The following KCNH8 variants were observed in gnomAD, a reference collection of about 807,000 sequenced individuals.
The protein encoded by KCNH8 is voltage-gated delayed rectifier potassium channel KCNH8.
Under a neutral mutation model 103.6 loss-of-function variants are expected in KCNH8, and 70 were observed. The observed-to-expected ratio is 0.68, with a 90% CI of 0.56 to 0.82. KCNH8 has a LOEUF of 0.82. Among genes scored for constraint, KCNH8 ranks in the 40% least tolerant of loss-of-function variants. KCNH8 has a pLI of 0.00. For missense variants in KCNH8, 1,217 were observed against 1,329.9 expected (o/e 0.92, Z 1.32); for synonymous variants, 498 against 489.4 (o/e 1.02, Z -0.23).
chr3:19,484,124 A>C (rs1387611046), intron 11 of KCNH8, among the ~76,000 whole-genome samples: 1 of 152,068 alleles, frequency 6.6e-6, no homozygotes, highest in Non-Finnish European at 1.5e-5. Context: ...TCTGGCTAAT[A>C]CTTTACTTGT....
At chr3:19,174,771 G>T (rs568024293) in intron 1 of KCNH8, among the ~76,000 whole-genome samples, 3 of 152,214 alleles carry the variant, frequency 2.0e-5, no homozygotes, top group South Asian at 4.1e-4. Flanking sequence ...AAAGTCTGGA[G>T]GGTTAAAAAG....
At chr3:19,375,040 T>G (rs941482157) in intron 5 of KCNH8, among the ~76,000 whole-genome samples, 1 of 151,720 alleles carries the variant, frequency 6.6e-6, no homozygotes, top group African/African-American at 2.4e-5. Context: ...CCCTTAACAT[T>G]TTTTCCTTCA....
chr3:19,239,286 G>A (rs1480124618), intron 1 of KCNH8, among the ~76,000 whole-genome samples: 1 of 151,920 alleles, frequency 6.6e-6, no homozygotes. Flanking sequence ...GTCACCTCAA[G>A]GTCACAAGAT....
intron 11 of KCNH8, among the ~76,000 whole-genome samples, chr3:19,480,017 G>C (rs2068056117): frequency 6.6e-6 from 1 of 152,322 alleles, no homozygotes; most frequent in Admixed American, 6.5e-5. Flanking sequence ...TTCAGCTGTA[G>C]ATAATGTTCC....
chr3:19,459,188 G>A (rs1473110313), intron 11 of KCNH8, among the ~76,000 whole-genome samples: 1 of 151,680 alleles, frequency 6.6e-6, no homozygotes, highest in Non-Finnish European at 1.5e-5. Flanking sequence ...GTTTTCCATA[G>A]TGGCTATAAT....
chr3:19,506,086 C>T (rs1233998991), intron 11 of KCNH8, among the ~76,000 whole-genome samples: 1 of 152,186 alleles, frequency 6.6e-6, no homozygotes, highest in East Asian at 1.9e-4. Flanking sequence ...ATTCCTTGTA[C>T]TGGGTACTGA....
intron 3 of KCNH8, among the ~76,000 whole-genome samples, chr3:19,315,779 C>T (rs561453853): frequency 9.2e-5 from 14 of 151,898 alleles, no homozygotes; most frequent in East Asian, 7.8e-4. Flanking sequence ...AGATTATTAT[C>T]GATTCATAAT....
intron 11 of KCNH8, among the ~76,000 whole-genome samples, chr3:19,500,224 A>G (rs1368397037): frequency 6.6e-6 from 1 of 152,252 alleles, no homozygotes; most frequent in Admixed American, 6.5e-5. Flanking sequence ...GGATCAATTC[A>G]ACAAGAGCTA....
chr3:19,167,085 A>G (rs942263031), intron 1 of KCNH8, among the ~76,000 whole-genome samples: 3 of 152,196 alleles, frequency 2.0e-5, no homozygotes, highest in African/African-American at 7.2e-5. Flanking sequence ...TTTGTTCCTC[A>G]TAGCAAAATG....
chr3:19,274,341 A>AT (rs764301527), intron 2 of KCNH8, among the ~76,000 whole-genome samples: 8 of 152,276 alleles, frequency 5.3e-5, no homozygotes, highest in Non-Finnish European at 1.0e-4. Context: ...CTCTTAATAG[A>AT]ATACAGCAAT....
chr3:19,246,309 G>A (rs1448499873), intron 1 of KCNH8, among the ~76,000 whole-genome samples: 2 of 118,986 alleles, frequency 1.7e-5, no homozygotes, highest in African/African-American at 3.4e-5. Context: ...ATGGAGTCTC[G>A]CTCTGTCGCC....
chr3:19,463,379 A>G (rs1332324646), intron 11 of KCNH8, among the ~76,000 whole-genome samples: 4 of 152,164 alleles, frequency 2.6e-5, no homozygotes, highest in African/African-American at 9.6e-5. Flanking sequence ...ACAAAATGGA[A>G]GAATATATCC....
At chr3:19,257,702 T>G (rs1346567644) in intron 2 of KCNH8, among the ~76,000 whole-genome samples, 1 of 152,070 alleles carries the variant, frequency 6.6e-6, no homozygotes, top group Non-Finnish European at 1.5e-5. Flanking sequence ...TTAAGGTTGT[T>G]CTTAGAATAA....
At chr3:19,252,293 T>C (rs1386844423) in intron 1 of KCNH8, among the ~76,000 whole-genome samples, 1 of 152,372 alleles carries the variant, frequency 6.6e-6, no homozygotes, top group East Asian at 1.9e-4. Flanking sequence ...CACTTAATAA[T>C]AGTTTAATGT....
intron 11 of KCNH8, among the ~76,000 whole-genome samples, chr3:19,485,133 A>G (rs901904212): frequency 2.0e-5 from 3 of 152,108 alleles, no homozygotes; most frequent in Non-Finnish European, 4.4e-5. Flanking sequence ...TGTTTTCTGT[A>G]CCAAGTCGCT....
chr3:19,414,676 AAATT>A (rs1273468017), intron 7 of KCNH8, among the ~76,000 whole-genome samples: 15 of 152,004 alleles, frequency 9.9e-5, no homozygotes, highest in Admixed American at 2.6e-4. Flanking sequence ...GATTTATATC[AAATT>A]AATATTATGC....
chr3:19,207,111 G>C (rs1378264166), intron 1 of KCNH8, among the ~76,000 whole-genome samples: 2 of 151,892 alleles, frequency 1.3e-5, no homozygotes, highest in African/African-American at 4.8e-5. Flanking sequence ...GAGGTGTGTA[G>C]AAAAGCAAAA....
intron 7 of KCNH8, among the ~76,000 whole-genome samples, chr3:19,423,620 G>A (rs1381805644): frequency 6.8e-6 from 1 of 146,560 alleles, no homozygotes; most frequent in African/African-American, 2.6e-5. Context: ...GCTTTGTGTG[G>A]TTAAGTAATA....
chr3:19,195,987 CTGAG>C (rs998878057), intron 1 of KCNH8, among the ~76,000 whole-genome samples: 1 of 151,938 alleles, frequency 6.6e-6, no homozygotes, highest in African/African-American at 2.4e-5. Context: ...TATCTACTTC[CTGAG>C]TATGTTTTGT....
Sources: allele counts gnomAD v4.1 joint callset (sites outside exome capture counted in the v4.1 genomes callset), GRCh38; gene constraint gnomAD v4.1.1; transcripts MANE v1.5; gene names NCBI Gene and HGNC (gene_info 2026-07-23, HGNC 2026-07-21).